The following PDXDC1 variants were observed in gnomAD, a reference collection of about 807,000 sequenced individuals.
PDXDC1 encodes pyridoxal-dependent decarboxylase domain-containing protein 1.
In PDXDC1, 42 loss-of-function variants were observed where a neutral mutation model predicts 100.1. The observed-to-expected ratio is 0.42, with a 90% CI of 0.33 to 0.54. The LOEUF (loss-of-function observed/expected upper bound fraction) is 0.54, where lower values mean the gene tolerates loss of function less well. PDXDC1 is among the 20% of genes least tolerant of loss of function. The pLI, the probability that PDXDC1 is intolerant of heterozygous loss-of-function variation, is 0.10. For synonymous variants in PDXDC1, 260 were observed against 371.7 expected (o/e 0.70, Z 3.46); for missense variants, 636 against 979.2 (o/e 0.65, Z 4.68).
At chr16:15,051,174 T>G (rs978410098) in intron 16 of PDXDC1, among the ~76,000 whole-genome samples, 5 of 152,254 alleles carry the variant, frequency 3.3e-5, no homozygotes, top group Non-Finnish European at 5.9e-5. Flanking sequence ...AACACTCATG[T>G]TCACAATTGG....
rs936959892 is a variant in PDXDC1 at position 15,037,696 on chromosome 16, T to A, written c.*1421T>A. 1.6e-4 allele frequency: 31 copies of A among 194,138 alleles called. No individual in the cohort carries two copies. The highest frequency in any genetic ancestry group is 6.5e-4 in the African/African-American group (28 of 43,290). The allele number at this position is 194,138 out of a possible 1,614,324, so 12.0% of individuals were successfully genotyped here. The stretch of plus-strand genomic sequence containing the variant: ...GGTTCTTGAAATTGTTACCAGTGAA[T>A]TCAGTTTATAAATCTTATTACAAAA... On this transcript the variant is annotated 3_prime_UTR_variant, in exon 23 of 23. Coordinates refer to ENST00000396410, the MANE Select transcript of PDXDC1 (RefSeq NM_015027.4).
At chr16:15,102,548 G>GAGGCAGGC (rs1015943576) in intron 16 of PDXDC1, among the ~76,000 whole-genome samples, 1 of 151,292 alleles carries the variant, frequency 6.6e-6, no homozygotes, top group Admixed American at 6.6e-5. Flanking sequence ...CCCAGAGAGG[G>GAGGCAGGC]AGGCAGGCAG....
chr16:15,088,232 G>C (rs1038752001), intron 16 of PDXDC1, among the ~76,000 whole-genome samples: 4 of 152,136 alleles, frequency 2.6e-5, no homozygotes, highest in South Asian at 2.1e-4. Context: ...CAGCACTTTT[G>C]GGAGGCCAAG....
intron 16 of PDXDC1, chr16:15,092,368 G>A (rs1252789649): frequency 4.6e-6 from 3 of 656,290 alleles, no homozygotes; most frequent in Non-Finnish European, 8.3e-6. Context: ...ATTTTGCACT[G>A]ACGGCATCAT....
intron 16 of PDXDC1, chr16:15,130,490 C>T (rs773911313): frequency 2.9e-6 from 4 of 1,381,854 alleles, no homozygotes; most frequent in South Asian, 1.2e-5. Context: ...TGAGCCCAGG[C>T]TCCGCCAGGT....
At chr16:15,127,178 G>C in intron 16 of PDXDC1, 1 of 390,924 alleles carries the variant, frequency 2.6e-6, no homozygotes, top group Admixed American at 3.5e-5. Flanking sequence ...TTTCGGAAGC[G>C]TGCACAGCCG....
intron 16 of PDXDC1, among the ~76,000 whole-genome samples, chr16:15,089,292 C>T (rs989165085): frequency 7.2e-5 from 11 of 151,900 alleles, no homozygotes; most frequent in African/African-American, 1.9e-4. Flanking sequence ...CTCTGTTCTG[C>T]CCGTCCCCAA....
chr16:15,009,835 A>G, intron 8 of PDXDC1, 76 bp downstream of exon 8: 1 of 1,609,704 alleles, frequency 6.2e-7, no homozygotes, highest in Non-Finnish European at 8.5e-7. Context: ...TAAAAGATAA[A>G]GTCTTAAGAA....
chr16:15,096,946 T>C (rs1246013131), intron 16 of PDXDC1, among the ~76,000 whole-genome samples: 2 of 152,184 alleles, frequency 1.3e-5, no homozygotes, highest in Non-Finnish European at 2.9e-5. Flanking sequence ...TCTCCCCACC[T>C]ACACTCCCAT....
chr16:15,001,313 ACCCCAT>A (rs1354285430), intron 3 of PDXDC1, among the ~76,000 whole-genome samples: 1 of 152,212 alleles, frequency 6.6e-6, no homozygotes, highest in Non-Finnish European at 1.5e-5. Context: ...ACATGGTGAA[ACCCCAT>A]CTCTACTAAA....
chr16:15,080,148 C>A, intron 16 of PDXDC1: 1 of 1,534,620 alleles, frequency 6.5e-7, no homozygotes. Context: ...AAACGTTTCA[C>A]AGTTATGTAA....
chr16:15,040,105 A>C, downstream of PDXDC1: 4 of 1,170,552 alleles, frequency 3.4e-6, no homozygotes, highest in Non-Finnish European at 5.1e-6. Context: ...TTGACAAAAG[A>C]CCAAAGCGGA....
intron 16 of PDXDC1, chr16:15,092,674 C>G: frequency 5.4e-6 from 6 of 1,118,538 alleles, no homozygotes; most frequent in Non-Finnish European, 6.8e-6. Flanking sequence ...TTATAATAGC[C>G]AACATTTATT....
chr16:15,104,811 A>C, intron 16 of PDXDC1: 1 of 1,534,806 alleles, frequency 6.5e-7, no homozygotes, highest in Non-Finnish European at 8.7e-7. Context: ...GATGGACAAA[A>C]TTACCGCCAC....
At chr16:15,066,408 G>A (rs556830060) in intron 16 of PDXDC1, among the ~76,000 whole-genome samples, 3 of 152,170 alleles carry the variant, frequency 2.0e-5, no homozygotes, top group Admixed American at 6.5e-5. Context: ...TGAGGCAGGC[G>A]GTTCACTTGA....
chr16:15,092,444 G>A lies in PDXDC1; in HGVS notation c.1400-46435G>A. 3.2e-6 allele frequency: 3 copies of A among 941,932 alleles called. No homozygotes were observed. In the South Asian group the frequency reaches 4.1e-5, roughly 13 times the overall value. The allele number at this position is 941,932 out of a possible 1,614,324, so 58.3% of individuals were successfully genotyped here. A position where few individuals can be genotyped will look rare whatever the true frequency, so the allele number is the denominator to read the frequency against. The stretch of plus-strand genomic sequence containing the variant: ...ATCTTGCTATTTCTATTGGTCTTTA[G>A]TATAACAGCAATAGTTGTATTCTGA... On this transcript the variant is annotated intron_variant, in intron 16 of 16. Coordinates refer to the PDXDC1 transcript ENST00000535621.
rs111432565 is a variant in PDXDC1, at chr16:15,072,259, A to G, written c.1399+42203A>G. Among the ~76,000 whole-genome samples, 975 of 151,552 alleles carry G rather than the reference A, an allele frequency of 6.4e-3. 14 individuals carry two copies. Among genetic ancestry groups the G allele is most frequent in the African/African-American group, 0.021 (883 of 41,362 alleles). On this transcript the variant is annotated intron_variant, in intron 16 of 16. Coordinates refer to the PDXDC1 transcript ENST00000535621. ...CTTTCCCCCACCAAAAAAAAAAAAA[A>G]AAGAAGAAGAAGAAGAAAAGACAAA...
intron 16 of PDXDC1, chr16:15,132,966 T>G: frequency 6.4e-7 from 1 of 1,556,244 alleles, no homozygotes; most frequent in Non-Finnish European, 8.7e-7. Context: ...TGCAGTTACG[T>G]GCTAGATGCT....
chr16:15,041,129 A>T (rs764008930), downstream of PDXDC1: 1 of 1,508,568 alleles, frequency 6.6e-7, no homozygotes, highest in South Asian at 1.1e-5. Flanking sequence ...ATTCTACAAA[A>T]TAAGAATGTT....
Sources: allele counts gnomAD v4.1 joint callset (sites outside exome capture counted in the v4.1 genomes callset), GRCh38; gene constraint gnomAD v4.1.1; transcripts MANE v1.5; gene names NCBI Gene and HGNC (gene_info 2026-07-23, HGNC 2026-07-21).